Variants in OPN3 observed in about 807,000 individuals in gnomAD.
OPN3 encodes opsin 3, also known as opsin-3.
A neutral mutation model predicts 33.8 loss-of-function variants in OPN3; 29 were observed. The ratio of observed to expected loss-of-function variants is 0.86; its 90% CI spans 0.64 to 1.17. OPN3 has a LOEUF of 1.17. Ranked by LOEUF, OPN3 falls within the 50% of genes most tolerant of loss-of-function variation. The pLI, the probability that OPN3 is intolerant of heterozygous loss-of-function variation, is 0.00. For synonymous variants in OPN3, 216 were observed against 216.1 expected, an observed-to-expected ratio of 1.00 and a Z score of 0.00; for missense variants, 437 against 514.1, an observed-to-expected ratio of 0.85 and a Z score of 1.45.
At chr1:241,607,514 AAGACAGAC>A in intron 1 of OPN3, among the ~76,000 whole-genome samples, 1 of 151,390 alleles carries the variant, frequency 6.6e-6, no homozygotes, top group South Asian at 2.1e-4. Context: ...ACTCCATCAA[AAGACAGAC>A]AGACAGACAG....
rs1663437126 is a variant in OPN3, at chr1:241,594,510, G to C, written c.1127C>G (p.Thr376Ser). 6 of 1,614,012 alleles carry C rather than the reference G, an allele frequency of 3.7e-6. No homozygotes were observed. Among genetic ancestry groups the C allele is most frequent in the Non-Finnish European group, 4.2e-6 (5 of 1,179,910 alleles). The change falls in exon 4 of 4, where the codon ACC becomes AGC. Residue 376 changes from threonine to serine, a missense_variant. Physicochemically the swap from Thr to Ser is moderately conservative, Grantham distance 58 (BLOSUM62 1). Coordinates refer to ENST00000366554, the MANE Select transcript of OPN3 (RefSeq NM_014322.3). ...GTCAACTGACAGTGATTCATCACTGGTGATGATAAAAATGATGGAAGAAGA... is the reference window on the plus strand; with the variant it reads ...GTCAACTGACAGTGATTCATCACTGCTGATGATAAAAATGATGGAAGAAGA... ...FNSSSIIFII[T>S]SDESLSVDDS...
intron 1 of OPN3, among the ~76,000 whole-genome samples, chr1:241,616,320 C>T (rs1212893644): frequency 6.6e-6 from 1 of 152,050 alleles, no homozygotes; most frequent in East Asian, 1.9e-4. Context: ...GGAATAATGA[C>T]CTGCAAAGCT....
intron 1 of OPN3, chr1:241,633,617 C>T (rs1174038037): frequency 1.1e-5 from 7 of 666,240 alleles, no homozygotes; most frequent in Non-Finnish European, 1.8e-5. Context: ...CAATAAATCA[C>T]TCATTGATAG....
At chr1:241,607,462 T>A (rs1573954645) in intron 1 of OPN3, among the ~76,000 whole-genome samples, 1 of 151,458 alleles carries the variant, frequency 6.6e-6, no homozygotes, top group South Asian at 2.1e-4. Context: ...TGCAGTGAGC[T>A]GAGATTGTGC....
At chr1:241,600,054 C>T (rs957871531) in intron 2 of OPN3, among the ~76,000 whole-genome samples, 4 of 152,168 alleles carry the variant, frequency 2.6e-5, no homozygotes, top group African/African-American at 7.2e-5. Flanking sequence ...TAGGTCCAAT[C>T]GTTTTATCTG....
At chr1:241,611,240 T>C (rs985444629) in intron 1 of OPN3, among the ~76,000 whole-genome samples, 1 of 152,044 alleles carries the variant, frequency 6.6e-6, no homozygotes, top group African/African-American at 2.4e-5. Flanking sequence ...TAGACTGGGG[T>C]AAGCAAGTTC....
At chr1:241,625,709 T>A (rs928830512) in intron 1 of OPN3, among the ~76,000 whole-genome samples, 1 of 152,212 alleles carries the variant, frequency 6.6e-6, no homozygotes, top group Admixed American at 6.5e-5. Context: ...CAGCAGTTCC[T>A]ATCAACAATG....
intron 1 of OPN3, 73 bp from the exon 2 acceptor site, chr1:241,604,652 TC>T: frequency 7.5e-7 from 1 of 1,326,808 alleles, no homozygotes; most frequent in Non-Finnish European, 1.0e-6. Context: ...TGATACATTC[TC>T]CACTGGAAAT....
At position 241,593,162 on chromosome 1, in the gene OPN3, C is replaced by T. The variant is rs1451031109; in HGVS notation, c.*1266G>A. 1 of 242,064 alleles carries T rather than the reference C, an allele frequency of 4.1e-6. No homozygotes were observed. Among genetic ancestry groups the T allele is most frequent in the Non-Finnish European group, 9.3e-6 (1 of 107,632 alleles). 15.0% of individuals were successfully genotyped at this position (242,064 alleles called of 1,614,324 possible). ...AGGGTTTTATTCATAAATTAAATGT[C>T]TACATGTGCCAGAATGGAAAGGAAA... On this transcript the variant is annotated 3_prime_UTR_variant, in exon 4 of 4. Transcript: ENST00000366554.
At position 241,601,885 on chromosome 1, in the gene OPN3, A is replaced by G. The variant is rs552832656; in HGVS notation, c.693+2375T>C. 2.0e-5 allele frequency among the ~76,000 whole-genome samples: 3 copies of G among 152,364 alleles called. No homozygotes were observed. The South Asian group carries it at 6.2e-4, about 32-fold the overall frequency. On this transcript the variant is annotated intron_variant, in intron 2 of 3. Coordinates refer to ENST00000366554, the MANE Select transcript of OPN3 (RefSeq NM_014322.3). Reference sequence around the variant, plus strand: ...GGTATCTAGGAATGATGACTATTCAATGAGAAAGCAAATAGACGAGCAGAA... The same window carrying G: ...GGTATCTAGGAATGATGACTATTCAGTGAGAAAGCAAATAGACGAGCAGAA...
At chr1:241,625,440 T>C (rs1664392291) in intron 1 of OPN3, among the ~76,000 whole-genome samples, 1 of 152,238 alleles carries the variant, frequency 6.6e-6, no homozygotes, top group Non-Finnish European at 1.5e-5. Flanking sequence ...TTGCCATGCA[T>C]AGAAAGATTA....
At chr1:241,635,917 AT>A (rs529729179) in intron 1 of OPN3, 31 of 707,766 alleles carry the variant, frequency 4.4e-5, no homozygotes, top group East Asian at 1.4e-4. Context: ...CTTTTAAAAT[AT>A]TTTTTTTCTT....
At chr1:241,637,684 G>A (rs1294435664) in intron 1 of OPN3, among the ~76,000 whole-genome samples, 2 of 152,198 alleles carry the variant, frequency 1.3e-5, no homozygotes, top group Non-Finnish European at 2.9e-5. Context: ...TGCAAAGCAA[G>A]TAGGATGGCC....
At chr1:241,636,301 T>C (rs1463137023) in intron 1 of OPN3, among the ~76,000 whole-genome samples, 3 of 152,198 alleles carry the variant, frequency 2.0e-5, no homozygotes, top group Non-Finnish European at 2.9e-5. Context: ...AGAATGAACA[T>C]AATGTTCCAC....
intron 2 of OPN3, among the ~76,000 whole-genome samples, chr1:241,600,045 A>G (rs1174847066): frequency 6.6e-6 from 1 of 152,216 alleles, no homozygotes; most frequent in Non-Finnish European, 1.5e-5. Context: ...TCCAGTATTT[A>G]GGTCCAATCG....
At chr1:241,627,093 A>C (rs1238480366) in intron 1 of OPN3, among the ~76,000 whole-genome samples, 3 of 152,208 alleles carry the variant, frequency 2.0e-5, no homozygotes, top group African/African-American at 7.2e-5. Context: ...CAAGAATCAT[A>C]GGACATCAGC....
intron 1 of OPN3, chr1:241,634,088 G>T: frequency 6.2e-7 from 1 of 1,611,198 alleles, no homozygotes. Flanking sequence ...GCTGATTCCC[G>T]AGGAATCTCT....
At chr1:241,613,762 C>A (rs1339362363) in intron 1 of OPN3, among the ~76,000 whole-genome samples, 2 of 152,118 alleles carry the variant, frequency 1.3e-5, no homozygotes, top group South Asian at 4.1e-4. Context: ...GTGGAAACTG[C>A]ATTCTATTAA....
At chr1:241,636,138 A>G in intron 1 of OPN3, 1 of 414,042 alleles carries the variant, frequency 2.4e-6, no homozygotes, top group Non-Finnish European at 4.3e-6. Flanking sequence ...AATTTCATGC[A>G]ACAATGACAA....
Sources: gnomAD v4.1 joint callset for allele counts (sites outside exome capture counted in the v4.1 genomes callset) on GRCh38, gnomAD v4.1.1 for gene constraint, MANE v1.5 for transcripts, NCBI Gene and HGNC (gene_info 2026-07-23, HGNC 2026-07-21) for gene names.